NUP93: variants seen among roughly 807,000 people sequenced by gnomAD.
The protein encoded by NUP93 is nuclear pore complex protein Nup93.
NUP93 carries 55 observed loss-of-function variants against 107.8 expected under a neutral mutation model. The observed-to-expected ratio is 0.51, with a 90% CI of 0.41 to 0.64. NUP93 has a LOEUF of 0.64. Among genes scored for constraint, NUP93 ranks in the 30% least tolerant of loss-of-function variants. The pLI, the probability that NUP93 is intolerant of heterozygous loss-of-function variation, is 0.00. For synonymous variants in NUP93, 390 were observed against 397.5 expected, an observed-to-expected ratio of 0.98 and a Z score of 0.22; for missense variants, 937 against 1,044.7, an observed-to-expected ratio of 0.90 and a Z score of 1.42.
intron 8 of NUP93, among the ~76,000 whole-genome samples, chr16:56,825,539 A>G (rs1267878486): frequency 6.6e-6 from 1 of 151,554 alleles, no homozygotes; most frequent in Admixed American, 6.6e-5. Flanking sequence ...TTTTTCAATG[A>G]GTGTAAGTGT....
intron 3 of NUP93, among the ~76,000 whole-genome samples, chr16:56,790,230 T>G (rs1395729655): frequency 6.6e-6 from 1 of 152,264 alleles, no homozygotes; most frequent in African/African-American, 2.4e-5. Context: ...CAGTGTCTCA[T>G]GGGCCTTGTA....
rs546898944 is a variant in NUP93 at position 56,784,942 on chromosome 16, G to A, written c.298-13534G>A. 7.9e-5 allele frequency among the ~76,000 whole-genome samples: 12 copies of A among 152,244 alleles called. No individual in the cohort carries two copies. In the East Asian group the frequency reaches 2.1e-3, roughly 27 times the overall value. On this transcript the variant is annotated intron_variant, in intron 3 of 21. Transcript: ENST00000308159. ...CCTTTTCATTGACATAGGAAGGTTC[G>A]GTTGTTGTAAGCCCTGGTTAGAATC...
At chr16:56,838,893 G>A (rs535088560) in intron 18 of NUP93, 59 bp from the exon 19 acceptor site, 34 of 1,178,560 alleles carry the variant, frequency 2.9e-5, no homozygotes, top group African/African-American at 2.7e-4. Flanking sequence ...CCACTGTTAC[G>A]GATTACACAG....
chr16:56,745,835 C>G (rs939052224), intron 1 of NUP93, among the ~76,000 whole-genome samples: 14 of 152,216 alleles, frequency 9.2e-5, no homozygotes, highest in African/African-American at 2.9e-4. Context: ...ATATAATTAA[C>G]TTAAAAAAAT....
intron 1 of NUP93, among the ~76,000 whole-genome samples, chr16:56,736,410 G>A (rs748515558): frequency 1.3e-5 from 2 of 152,208 alleles, no homozygotes; most frequent in Admixed American, 6.5e-5. Context: ...TGAGTCTGTA[G>A]TATTTCGTTT....
chr16:56,778,026 G>C (rs1341450936), intron 3 of NUP93, among the ~76,000 whole-genome samples: 4 of 152,190 alleles, frequency 2.6e-5, no homozygotes, highest in African/African-American at 9.7e-5. Flanking sequence ...GCTGCCCTCT[G>C]GAAGTTTGTC....
chr16:56,839,160 C>T (rs1171546037), intron 19 of NUP93, 91 bp downstream of exon 19: 10 of 752,760 alleles, frequency 1.3e-5, no homozygotes, highest in Middle Eastern at 3.2e-4. Context: ...AACAAAGGAG[C>T]TGTTGCCAGT....
At chr16:56,790,804 A>G (rs1443774651) in intron 3 of NUP93, among the ~76,000 whole-genome samples, 1 of 152,230 alleles carries the variant, frequency 6.6e-6, no homozygotes, top group Non-Finnish European at 1.5e-5. Flanking sequence ...TGAATACTCA[A>G]TAGTATTCCA....
intron 16 of NUP93, among the ~76,000 whole-genome samples, chr16:56,835,466 T>C (rs1429567506): frequency 2.0e-5 from 3 of 152,266 alleles, no homozygotes; most frequent in African/African-American, 7.2e-5. Context: ...ACAGTGCTGA[T>C]GACAGTGGCC....
chr16:56,787,568 C>CT (rs1267649152), intron 3 of NUP93, among the ~76,000 whole-genome samples: 2 of 152,088 alleles, frequency 1.3e-5, no homozygotes, highest in Non-Finnish European at 1.5e-5. Flanking sequence ...GCTTTTGTTT[C>CT]TTTTTTCCAA....
chr16:56,828,797 C>T (rs1963721441), intron 8 of NUP93, among the ~76,000 whole-genome samples, 180 bp from the exon 9 acceptor site: 1 of 152,240 alleles, frequency 6.6e-6, no homozygotes, highest in Non-Finnish European at 1.5e-5. Flanking sequence ...CTGTGATCCA[C>T]AGCCCACTGA....
chr16:56,842,656 C>A, intron 21 of NUP93: 1 of 450,570 alleles, frequency 2.2e-6, no homozygotes, highest in Non-Finnish European at 4.4e-6. Context: ...GGGCTCAAGC[C>A]ACCCTCCCAC....
chr16:56,760,334 C>T (rs1962100639), intron 3 of NUP93, among the ~76,000 whole-genome samples: 1 of 152,110 alleles, frequency 6.6e-6, no homozygotes, highest in Non-Finnish European at 1.5e-5. Flanking sequence ...TCAAGACCAG[C>T]CTGGACGACA....
chr16:56,808,740 ATAC>A (rs1963242636), intron 5 of NUP93, among the ~76,000 whole-genome samples: 2 of 141,674 alleles, frequency 1.4e-5, no homozygotes, highest in South Asian at 4.3e-4. Context: ...CATATATAAA[ATAC>A]ATATATAAAT....
At chr16:56,822,780 T>G (rs1401953329) in intron 7 of NUP93, among the ~76,000 whole-genome samples, 1 of 151,998 alleles carries the variant, frequency 6.6e-6, no homozygotes, top group Non-Finnish European at 1.5e-5. Context: ...GCCAGGATGG[T>G]CTCAAGCTTA....
At chr16:56,817,912 T>C (rs548365482) in intron 5 of NUP93, among the ~76,000 whole-genome samples, 2 of 152,370 alleles carry the variant, frequency 1.3e-5, no homozygotes, top group Admixed American at 1.3e-4. Context: ...GTATACTTTA[T>C]GAAGTCCACA....
chr16:56,745,963 G>A lies in NUP93; in HGVS notation c.-14-2271G>A, dbSNP rs560505553. Among the ~76,000 whole-genome samples the A allele has an allele frequency of 2.8e-4, 43 of 152,250 alleles. No individual in the cohort carries two copies. The South Asian group carries it at 7.1e-3, about 25-fold the overall frequency. ...AAGGTGAGCATTTCCTTTGTCTGAC[G>A]TAGGAATGAAATATTAGTTGTATTT... is the stretch of plus-strand genomic sequence containing the variant. On this transcript the variant is annotated intron_variant, in intron 1 of 21. Transcript: ENST00000308159.
chr16:56,834,411 G>C lies in NUP93; in HGVS notation c.1706G>C (p.Cys569Ser), dbSNP rs1391658765. ...CAAGGAGAAAACATGTTTCTGCGCT[G>C]TGTGAGTGAGCTTGTGATTGAAAGC... ...DSQGENMFLRCVSELVIESRE... is the reference protein window; with the variant it reads ...DSQGENMFLRSVSELVIESRE... The change falls in exon 15 of 22, where the codon TGT (cysteine) becomes TCT (serine). Residue 569 changes from cysteine (C) to serine (S), a missense_variant. Physicochemically the swap from Cys to Ser is moderately radical, Grantham distance 112 (BLOSUM62 -1). Transcript: ENST00000308159. 6.2e-7 allele frequency: 1 copy of C among 1,614,094 alleles called. No homozygotes were observed. Among genetic ancestry groups the C allele is most frequent in the African/African-American group, 1.3e-5 (1 of 74,934 alleles).
intron 1 of NUP93, among the ~76,000 whole-genome samples, chr16:56,744,088 C>A (rs1961782090): frequency 6.6e-6 from 1 of 152,180 alleles, no homozygotes; most frequent in African/African-American, 2.4e-5. Flanking sequence ...ATTGACTGCT[C>A]CGGGTCCTGC....
Sources: gnomAD v4.1 joint callset for allele counts (sites outside exome capture counted in the v4.1 genomes callset) on GRCh38, gnomAD v4.1.1 for gene constraint, MANE v1.5 for transcripts, NCBI Gene and HGNC (gene_info 2026-07-23, HGNC 2026-07-21) for gene names.